NRXN1: variants seen among roughly 807,000 people sequenced by gnomAD.
NRXN1 encodes the protein neurexin 1.
In NRXN1, 39 loss-of-function variants were observed where a neutral mutation model predicts 150.9. That is an observed-to-expected ratio of 0.26 (90% CI 0.20 to 0.34). The LOEUF (loss-of-function observed/expected upper bound fraction) is 0.34, where lower values mean the gene tolerates loss of function less well. Among genes scored for constraint, NRXN1 ranks in the 10% least tolerant of loss-of-function variants. The pLI, the probability that NRXN1 is intolerant of heterozygous loss-of-function variation, is 1.00. For synonymous variants in NRXN1, 924 were observed against 757.0 expected (o/e 1.22, Z -3.62); for missense variants, 1,815 against 1,949.9 (o/e 0.93, Z 1.30).
chr2:50,598,600 G>C (rs536223015), intron 8 of NRXN1, among the ~76,000 whole-genome samples: 1 of 147,082 alleles, frequency 6.8e-6, no homozygotes, highest in Non-Finnish European at 1.5e-5. Context: ...ATATATGCGC[G>C]TGTATATATA....
Position 51,026,359 on chromosome 2 carries a change from C to G in NRXN1, c.772+1143G>C. On this transcript the variant is annotated intron_variant, in intron 2 of 22. Transcript: ENST00000401669. ...TAGCCACTGATTCGTCTTTTTCACA[C>G]CACTCACTCACTTTCTGTTAGAGGC... 1 of 1,547,256 alleles carries G rather than the reference C, an allele frequency of 6.5e-7. No homozygotes were observed. Among genetic ancestry groups the G allele is most frequent in the South Asian group, 1.2e-5 (1 of 85,868 alleles).
chr2:50,926,094 G>A (rs1686836128), intron 2 of NRXN1, 139 bp from the exon 3 acceptor site: 2 of 707,422 alleles, frequency 2.8e-6, no homozygotes, highest in South Asian at 3.1e-5. Flanking sequence ...ATCATTCAAG[G>A]GGGAAAACAA....
At chr2:50,921,469 C>T (rs899975438) in intron 5 of NRXN1, among the ~76,000 whole-genome samples, 1 of 151,772 alleles carries the variant, frequency 6.6e-6, no homozygotes, top group Non-Finnish European at 1.5e-5. Context: ...CAGTGGTGCA[C>T]ATGCTTAGAC....
intron 5 of NRXN1, among the ~76,000 whole-genome samples, chr2:50,658,411 G>GGTGTGTGTATGTGTGTGTGTGT (rs1553935222): frequency 2.1e-5 from 3 of 144,780 alleles, no homozygotes; most frequent in Non-Finnish European, 3.0e-5. Context: ...TGCATTCACT[G>GGTGTGTGTATGTGTGTGTGTGT]GTGTGTGTGT....
chr2:50,913,155 A>C lies in NRXN1; in HGVS notation c.832+8714T>G, dbSNP rs1447745411. 2.0e-5 allele frequency among the ~76,000 whole-genome samples: 3 copies of C among 151,826 alleles called. No homozygotes were observed. In the East Asian group the frequency reaches 5.8e-4, roughly 29 times the overall value. On this transcript the variant is annotated intron_variant, in intron 5 of 22. Transcript: ENST00000401669. ...TGAAAGACAGCTGTTAAAAGCCATC[A>C]CATCATTCTTTTAGGTCAGTATAGC...
chr2:50,573,478 T>G (rs1670956820), intron 8 of NRXN1, among the ~76,000 whole-genome samples: 1 of 152,130 alleles, frequency 6.6e-6, no homozygotes, highest in South Asian at 2.1e-4. Context: ...TGGTAACTTT[T>G]AAATTAATTT....
chr2:50,407,961 T>C (rs2104020813), intron 17 of NRXN1, among the ~76,000 whole-genome samples: 1 of 152,310 alleles, frequency 6.6e-6, no homozygotes, highest in African/African-American at 2.4e-5. Flanking sequence ...TTTTAACATC[T>C]GTTGTATGTT....
intron 18 of NRXN1, among the ~76,000 whole-genome samples, chr2:50,142,875 CA>C (rs1192099654): frequency 3.3e-5 from 5 of 151,786 alleles, no homozygotes; most frequent in Non-Finnish European, 7.4e-5. Context: ...AAGCGAAACC[CA>C]GGCATAGAAC....
intron 10 of NRXN1, among the ~76,000 whole-genome samples, chr2:50,535,004 C>T (rs114007374): frequency 0.025 from 3,788 of 152,206 alleles, 54 homozygotes; most frequent in East Asian, 0.066. Context: ...AACTAGAGTG[C>T]CCCCGAGTGT....
At chr2:50,136,051 T>C (rs1487404579) in intron 18 of NRXN1, among the ~76,000 whole-genome samples, 1 of 152,208 alleles carries the variant, frequency 6.6e-6, no homozygotes, top group Non-Finnish European at 1.5e-5. Flanking sequence ...CAATAGATCT[T>C]TATTCTGTTC....
At chr2:50,099,997 G>GA (rs367667266) in intron 18 of NRXN1, among the ~76,000 whole-genome samples, 152 of 152,170 alleles carry the variant, frequency 1.0e-3, no homozygotes, top group African/African-American at 3.4e-3. Flanking sequence ...AGTTCTCACG[G>GA]AAAAAATTTA....
intron 17 of NRXN1, among the ~76,000 whole-genome samples, chr2:50,238,823 G>C (rs1183409876): frequency 1.3e-5 from 2 of 151,876 alleles, no homozygotes; most frequent in Non-Finnish European, 2.9e-5. Flanking sequence ...TTGGTATATA[G>C]ACCTCTTCCA....
intron 5 of NRXN1, among the ~76,000 whole-genome samples, chr2:50,790,944 A>C (rs922830905): frequency 2.4e-4 from 37 of 152,112 alleles, no homozygotes; most frequent in African/African-American, 8.7e-4. Flanking sequence ...ATTTTGGAGC[A>C]CTTCAGATTT....
chr2:50,597,181 T>C (rs1207901710), intron 8 of NRXN1, among the ~76,000 whole-genome samples: 1 of 151,908 alleles, frequency 6.6e-6, no homozygotes, highest in East Asian at 1.9e-4. Context: ...ATATGGAGGG[T>C]CTTGTCTTGA....
chr2:50,896,759 A>G (rs2103899418), intron 5 of NRXN1, among the ~76,000 whole-genome samples: 1 of 152,116 alleles, frequency 6.6e-6, no homozygotes, highest in African/African-American at 2.4e-5. Context: ...GGGCAGGAGA[A>G]TCGCTTGAGC....
At chr2:50,668,795 G>A (rs1688428177) in intron 5 of NRXN1, among the ~76,000 whole-genome samples, 1 of 151,944 alleles carries the variant, frequency 6.6e-6, no homozygotes, top group African/African-American at 2.4e-5. Flanking sequence ...TAGAGATACA[G>A]CATTATGGAA....
chr2:50,325,346 A>T (rs1436470039), intron 17 of NRXN1, among the ~76,000 whole-genome samples: 1 of 152,218 alleles, frequency 6.6e-6, no homozygotes, highest in Non-Finnish European at 1.5e-5. Flanking sequence ...GGAAGGGAAG[A>T]TATGAATAGA....
At chr2:50,252,233 C>CTTTTTTTTTTTTTTTTTTT (rs55993018) in intron 17 of NRXN1, among the ~76,000 whole-genome samples, 5 of 94,916 alleles carry the variant, frequency 5.3e-5, no homozygotes, top group Admixed American at 1.5e-4. Flanking sequence ...ACATTTTGTC[C>CTTTTTTTTTTTTTTTTTTT]TTTTTTTTTT....
At chr2:50,599,019 G>A (rs1339790513) in intron 8 of NRXN1, among the ~76,000 whole-genome samples, 3 of 151,924 alleles carry the variant, frequency 2.0e-5, no homozygotes, top group Non-Finnish European at 4.4e-5. Flanking sequence ...TGATCCACTC[G>A]CCTCAGCCTC....
Sources: allele counts gnomAD v4.1 joint callset (sites outside exome capture counted in the v4.1 genomes callset), GRCh38; gene constraint gnomAD v4.1.1; transcripts MANE v1.5; gene names NCBI Gene and HGNC (gene_info 2026-07-23, HGNC 2026-07-21).